Variants in IL1RAPL2 observed in about 807,000 individuals in gnomAD.
IL1RAPL2 encodes the protein interleukin 1 receptor accessory protein like 2, also known as X-linked interleukin-1 receptor accessory protein-like 2.
Under a neutral mutation model 44.1 loss-of-function variants are expected in IL1RAPL2, and 3 were observed. The observed-to-expected ratio is 0.07, with a 90% confidence interval of 0.03 to 0.18. IL1RAPL2 has a LOEUF of 0.18. Among genes scored for constraint, IL1RAPL2 ranks in the 10% least tolerant of loss-of-function variants. The probability of loss-of-function intolerance (pLI) is 1.00; values close to 1 mark genes in which losing one functional copy is unlikely to be tolerated. For synonymous variants in IL1RAPL2, 181 were observed against 178.8 expected (o/e 1.01, Z -0.10); for missense variants, 391 against 496.4 (o/e 0.79, Z 2.02).
In IL1RAPL2 at chrX:105,198,437, A is replaced by G. The variant is rs782729044; in HGVS notation, c.356+2689A>G. ...AAAAATCCACTATTTGCTTTTCAAT[A>G]AACTTTAAGAAGTCTTCGATTTACG... On this transcript the variant is annotated intron_variant, in intron 3 of 10. Coordinates refer to ENST00000372582, the MANE Select transcript of IL1RAPL2 (RefSeq NM_017416.2). Among the ~76,000 whole-genome samples the G allele has an allele frequency of 4.5e-5, 5 of 112,305 alleles. No individual in the cohort carries two copies. The South Asian group carries it at 1.9e-3, about 42-fold the overall frequency.
chrX:104,668,716 T>C, intron 2 of IL1RAPL2, among the ~76,000 whole-genome samples: 1 of 109,620 alleles, frequency 9.1e-6, no homozygotes, highest in East Asian at 2.9e-4. Context: ...AACTTGTTTC[T>C]GGTCTTAACA....
At chrX:105,761,871 T>C (rs1250612410) in intron 10 of IL1RAPL2, among the ~76,000 whole-genome samples, 2 of 112,296 alleles carry the variant, frequency 1.8e-5, no homozygotes, top group Admixed American at 1.9e-4. Flanking sequence ...TTGACATTAG[T>C]GGAGGTGTCA....
At chrX:104,903,930 G>A (rs1244143555) in intron 2 of IL1RAPL2, among the ~76,000 whole-genome samples, 1 of 111,498 alleles carries the variant, frequency 9.0e-6, no homozygotes, top group Non-Finnish European at 1.9e-5. Context: ...GGGATAAGTA[G>A]TGTTCTGTTC....
At chrX:104,767,289 T>C (rs1404414956) in intron 2 of IL1RAPL2, among the ~76,000 whole-genome samples, 1 of 111,993 alleles carries the variant, frequency 8.9e-6, no homozygotes, top group African/African-American at 3.2e-5. Flanking sequence ...CTCATTGCAA[T>C]TTATTTTACA....
chrX:105,595,468 G>A (rs983797281), intron 6 of IL1RAPL2, among the ~76,000 whole-genome samples: 1 of 111,644 alleles, frequency 9.0e-6, no homozygotes, highest in Non-Finnish European at 1.9e-5. Flanking sequence ...GACAACCAGG[G>A]TTTTCCATGG....
chrX:104,668,148 A>G (rs1253482565), intron 2 of IL1RAPL2, among the ~76,000 whole-genome samples: 2 of 111,034 alleles, frequency 1.8e-5, no homozygotes, highest in Admixed American at 9.6e-5. Flanking sequence ...ATATTTGTTG[A>G]GAAACAAGTA....
intron 5 of IL1RAPL2, among the ~76,000 whole-genome samples, chrX:105,429,877 A>C (rs2035836164): frequency 9.0e-6 from 1 of 111,684 alleles, no homozygotes; most frequent in Non-Finnish European, 1.9e-5. Context: ...AACTCTTGTT[A>C]CACACCTAAT....
chrX:104,934,755 T>TG (rs1438314696), intron 2 of IL1RAPL2, among the ~76,000 whole-genome samples: 1 of 112,351 alleles, frequency 8.9e-6, no homozygotes, highest in Non-Finnish European at 1.9e-5. Context: ...GAAAGCCACA[T>TG]GCTCTAAAGT....
At chrX:104,720,590 A>G (rs745485881) in intron 2 of IL1RAPL2, among the ~76,000 whole-genome samples, 16 of 111,427 alleles carry the variant, frequency 1.4e-4, no homozygotes, top group Non-Finnish European at 2.8e-4. Context: ...AAACAAGTTC[A>G]TGGTAGTTAA....
At chrX:105,388,249 G>A (rs935570105) in intron 5 of IL1RAPL2, among the ~76,000 whole-genome samples, 3 of 100,058 alleles carry the variant, frequency 3.0e-5, no homozygotes, top group Non-Finnish European at 4.0e-5. Context: ...TGACTATGTC[G>A]GCAGCCACAA....
intron 5 of IL1RAPL2, among the ~76,000 whole-genome samples, chrX:105,353,405 G>T (rs1426768225): frequency 1.8e-5 from 2 of 111,345 alleles, no homozygotes; most frequent in Non-Finnish European, 3.8e-5. Flanking sequence ...AATTGACTTG[G>T]CAACGCGGGC....
chrX:105,378,470 G>T (rs1364069106), intron 5 of IL1RAPL2, among the ~76,000 whole-genome samples: 2 of 111,255 alleles, frequency 1.8e-5, no homozygotes, highest in Non-Finnish European at 3.8e-5. Flanking sequence ...ATTCTTCCTT[G>T]TGCTAATACA....
intron 2 of IL1RAPL2, among the ~76,000 whole-genome samples, chrX:104,887,966 GT>G (rs1338066456): frequency 9.0e-6 from 1 of 111,519 alleles, no homozygotes; most frequent in Non-Finnish European, 1.9e-5. Flanking sequence ...GAATAAATGT[GT>G]ATACAAATAG....
intron 2 of IL1RAPL2, among the ~76,000 whole-genome samples, chrX:104,938,846 C>A (rs1450454645): frequency 3.6e-5 from 4 of 111,217 alleles, no homozygotes; most frequent in African/African-American, 6.5e-5. Flanking sequence ...AAAGTGGTGT[C>A]ATGGGAAAAT....
At chrX:105,028,852 G>A (rs1027776084) in intron 2 of IL1RAPL2, among the ~76,000 whole-genome samples, 1 of 111,182 alleles carries the variant, frequency 9.0e-6, no homozygotes, top group Non-Finnish European at 1.9e-5. Flanking sequence ...AGTCCAGAAC[G>A]TTAGAGAAGT....
intron 2 of IL1RAPL2, among the ~76,000 whole-genome samples, chrX:105,014,642 A>G (rs191466853): frequency 2.4e-3 from 271 of 112,289 alleles, no homozygotes; most frequent in African/African-American, 7.4e-3. Context: ...AAGGGCATGA[A>G]CTAATCCTTT....
At chrX:105,124,803 T>G (rs2032958932) in intron 2 of IL1RAPL2, among the ~76,000 whole-genome samples, 1 of 111,117 alleles carries the variant, frequency 9.0e-6, no homozygotes, top group Non-Finnish European at 1.9e-5. Flanking sequence ...ACTTTAAATT[T>G]TTTTCACCTG....
intron 2 of IL1RAPL2, among the ~76,000 whole-genome samples, chrX:105,035,625 A>G (rs1167151575): frequency 2.7e-5 from 3 of 112,328 alleles, no homozygotes; most frequent in Admixed American, 9.4e-5. Context: ...CCTAATACCT[A>G]TTTATATCCC....
intron 3 of IL1RAPL2, among the ~76,000 whole-genome samples, chrX:105,218,527 C>T (rs183796371): frequency 1.8e-4 from 20 of 111,284 alleles, no homozygotes; most frequent in Admixed American, 1.4e-3. Context: ...GGCCTAGATG[C>T]GAGTAGAGGG....
Sources: allele counts gnomAD v4.1 joint callset (sites outside exome capture counted in the v4.1 genomes callset), GRCh38; gene constraint gnomAD v4.1.1; transcripts MANE v1.5; gene names NCBI Gene and HGNC (gene_info 2026-07-23, HGNC 2026-07-21).